COG7: variants seen among roughly 807,000 people sequenced by gnomAD.
COG7 encodes component of oligomeric golgi complex 7, also known as conserved oligomeric Golgi complex subunit 7.
COG7 carries 49 observed loss-of-function variants against 91.5 expected under a neutral mutation model. The ratio of observed to expected loss-of-function variants is 0.54; its 90% CI spans 0.43 to 0.68. The LOEUF (loss-of-function observed/expected upper bound fraction) is 0.68. Ranked by LOEUF, COG7 falls within the 30% of genes least tolerant of loss-of-function variation. COG7 has a pLI of 0.00. For missense variants in COG7, 895 were observed against 961.3 expected (o/e 0.93, Z 0.91); for synonymous variants, 365 against 388.7 (o/e 0.94, Z 0.72).
chr16:23,405,927 T>C, intron 12 of COG7, 149 bp downstream of exon 12: 1 of 759,222 alleles, frequency 1.3e-6, no homozygotes, highest in Non-Finnish European at 2.4e-6. Context: ...CTCCTTAAAA[T>C]CCCAACATAA....
chr16:23,405,009 G>T (rs987730852), intron 12 of COG7, among the ~76,000 whole-genome samples: 2 of 152,228 alleles, frequency 1.3e-5, no homozygotes, highest in Non-Finnish European at 2.9e-5. Flanking sequence ...AGCCAGACCA[G>T]TGAGGGAGGA....
chr16:23,401,992 G>A (rs1963385875), intron 13 of COG7, among the ~76,000 whole-genome samples: 1 of 152,186 alleles, frequency 6.6e-6, no homozygotes. Context: ...AGGCAGCAGA[G>A]GTTGTAGTGA....
intron 4 of COG7, among the ~76,000 whole-genome samples, chr16:23,441,490 G>A (rs753613515): frequency 2.6e-5 from 4 of 152,074 alleles, no homozygotes; most frequent in African/African-American, 7.2e-5. Context: ...CAGGAGAATC[G>A]CTTGAGCCTG....
chr16:23,394,235 A>G (rs916787830), intron 14 of COG7, among the ~76,000 whole-genome samples: 2 of 152,192 alleles, frequency 1.3e-5, no homozygotes, highest in Non-Finnish European at 2.9e-5. Flanking sequence ...AAGATAGACA[A>G]AACCTTGGCT....
Position 23,398,104 on chromosome 16 carries a change from T to C in COG7, c.1829A>G (p.Glu610Gly). 1.9e-6 allele frequency: 3 copies of C among 1,614,124 alleles called. No homozygotes were observed. Among genetic ancestry groups the C allele is most frequent in the Non-Finnish European group, 2.5e-6 (3 of 1,180,010 alleles). ...MDSWNTAGIGETLTDELPAFS... is the reference protein window; with the variant it reads ...MDSWNTAGIGGTLTDELPAFS... ...GGCGGGCAGTTCATCTGTGAGGGTT[T>C]CTCCGATGCCAGCCGTATTCCAGCT... Residue 610 changes from glutamate to glycine, a missense_variant, in exon 14 of 17, where the codon GAA (glutamate) becomes GGA (glycine). By Grantham distance (98) the Glu-to-Gly change is moderately conservative. Coordinates refer to ENST00000307149, the MANE Select transcript of COG7 (RefSeq NM_153603.4).
rs1013742346 is a variant in COG7, at chr16:23,424,073, G to A, written c.1009+676C>T. 3.9e-5 allele frequency among the ~76,000 whole-genome samples: 6 copies of A among 152,250 alleles called. No homozygotes were observed. In the East Asian group the frequency reaches 1.2e-3, roughly 29 times the overall value. ...CCCAGCACTTTGGGAGGCCGAGGCGGGCAGATCACCTGAGGTCAGGAGTTC... is the reference window on the plus strand; with the variant it reads ...CCCAGCACTTTGGGAGGCCGAGGCGAGCAGATCACCTGAGGTCAGGAGTTC... On this transcript the variant is annotated intron_variant, in intron 7 of 16. Coordinates refer to ENST00000307149, the MANE Select transcript of COG7 (RefSeq NM_153603.4).
chr16:23,398,698 T>C (rs911763265), intron 13 of COG7, among the ~76,000 whole-genome samples: 14 of 152,156 alleles, frequency 9.2e-5, no homozygotes, highest in African/African-American at 3.4e-4. Context: ...GCTGCTTTAT[T>C]TCTCACCACC....
At chr16:23,392,049 T>C (rs1963205948) in intron 16 of COG7, 1 of 1,244,804 alleles carries the variant, frequency 8.0e-7, no homozygotes, top group East Asian at 4.6e-5. Flanking sequence ...TAAGAGCTCA[T>C]TAAACACTGG....
chr16:23,405,944 CAG>C, intron 12 of COG7, 130 bp downstream of exon 12: 1 of 806,710 alleles, frequency 1.2e-6, no homozygotes, highest in Middle Eastern at 3.5e-4. Flanking sequence ...ATAAATGAGA[CAG>C]AGAGGTAGTA....
At chr16:23,437,001 G>A (rs1238023618) in intron 4 of COG7, among the ~76,000 whole-genome samples, 2 of 152,182 alleles carry the variant, frequency 1.3e-5, no homozygotes, top group African/African-American at 4.8e-5. Flanking sequence ...CGCTAAGGGT[G>A]GTGCAGAACA....
intron 7 of COG7, among the ~76,000 whole-genome samples, chr16:23,420,910 ATTTTTTTTTT>A (rs72250117): frequency 0.19 from 22,427 of 118,682 alleles, 2,005 homozygotes; most frequent in East Asian, 0.31. Flanking sequence ...TACCTGGCTA[ATTTTTTTTTT>A]TTTTTTTTTT....
intron 12 of COG7, among the ~76,000 whole-genome samples, chr16:23,404,588 G>T (rs1191865363): frequency 6.6e-6 from 1 of 152,202 alleles, no homozygotes; most frequent in Non-Finnish European, 1.5e-5. Flanking sequence ...CAGGCCCCCT[G>T]TGCAGTTCAT....
intron 10 of COG7, chr16:23,413,036 G>T: frequency 4.9e-6 from 1 of 204,772 alleles, no homozygotes; most frequent in Non-Finnish European, 9.9e-6. Context: ...GCGTTGCCTG[G>T]AACCATTTAG....
At chr16:23,418,563 G>C in intron 8 of COG7, 137 bp downstream of exon 8, 1 of 724,668 alleles carries the variant, frequency 1.4e-6, no homozygotes, top group African/African-American at 1.7e-5. Flanking sequence ...TTTTACATTG[G>C]GATTACAAGA....
chr16:23,402,414 T>TA lies in COG7; in HGVS notation c.1803+1279dup, dbSNP rs563596106. 1.3e-3 allele frequency among the ~76,000 whole-genome samples: 196 copies of TA among 152,176 alleles called. 1 individual carries two copies. The highest frequency in any genetic ancestry group is 8.9e-3 in the South Asian group (43 of 4,814). ...ATAAATACCTATACAATTTTTATTT[T>TA]AAAAAAATCAAGTAAGTCATTCTTC... On this transcript the variant is annotated intron_variant, in intron 13 of 16. Coordinates refer to ENST00000307149, the MANE Select transcript of COG7 (RefSeq NM_153603.4).
At chr16:23,413,702 C>A in intron 9 of COG7, 138 bp from the exon 10 acceptor site, 1 of 697,020 alleles carries the variant, frequency 1.4e-6, no homozygotes. Context: ...ACGAGTGAAA[C>A]TGCTTGTAAA....
intron 11 of COG7, among the ~76,000 whole-genome samples, chr16:23,409,418 C>T (rs1963527541): frequency 1.3e-5 from 2 of 152,168 alleles, no homozygotes; most frequent in Non-Finnish European, 1.5e-5. Flanking sequence ...ATTGCTGTGG[C>T]TCCTCTGTAT....
chr16:23,451,080 C>G (rs1268926898), intron 1 of COG7, among the ~76,000 whole-genome samples: 1 of 152,066 alleles, frequency 6.6e-6, no homozygotes, highest in East Asian at 1.9e-4. Flanking sequence ...GTAATCCCAG[C>G]TACTCAGGAG....
At chr16:23,437,218 C>G (rs1382704666) in intron 4 of COG7, among the ~76,000 whole-genome samples, 1 of 152,174 alleles carries the variant, frequency 6.6e-6, no homozygotes, top group Non-Finnish European at 1.5e-5. Context: ...CAAAACCAAA[C>G]CCATGATGCT....
Sources: gnomAD v4.1 joint callset for allele counts (sites outside exome capture counted in the v4.1 genomes callset) on GRCh38, gnomAD v4.1.1 for gene constraint, MANE v1.5 for transcripts, NCBI Gene and HGNC (gene_info 2026-07-23, HGNC 2026-07-21) for gene names.